LRP6: variants seen among roughly 807,000 people sequenced by gnomAD.
LRP6 encodes the protein low-density lipoprotein receptor-related protein 6.
A neutral mutation model predicts 184.1 loss-of-function variants in LRP6; 43 were observed. That is an observed-to-expected ratio of 0.23 (90% CI 0.18 to 0.30). LRP6 has a LOEUF of 0.30. Ranked by LOEUF, LRP6 falls within the 10% of genes least tolerant of loss-of-function variation. The pLI, the probability that LRP6 is intolerant of heterozygous loss-of-function variation, is 1.00. For synonymous variants in LRP6, 719 were observed against 684.9 expected (o/e 1.05, Z -0.78); for missense variants, 1,571 against 2,005.3 (o/e 0.78, Z 4.14).
Position 12,126,865 on chromosome 12 carries a change from C to A in LRP6, c.4138G>T (p.Val1380Leu), listed in dbSNP as rs200961996. The A allele has an allele frequency of 6.2e-7, 1 of 1,614,128 alleles. No homozygotes were observed. Among genetic ancestry groups the A allele is most frequent in the Non-Finnish European group, 8.5e-7 (1 of 1,179,986 alleles). Reference sequence around the variant, plus strand: ...CCAGACACAAAAATGGTGACAATTACGCCAATAACAGAACCAACTGTATTG... The same window carrying A: ...CCAGACACAAAAATGGTGACAATTAAGCCAATAACAGAACCAACTGTATTG... ...ATNTVGSVIG[V>L]IVTIFVSGTV... Residue 1380 changes from valine (V) to leucine (L), a missense_variant, in exon 20 of 23, where the codon GTA (valine) becomes TTA (leucine). Physicochemically the swap from Val to Leu is conservative, Grantham distance 32 (BLOSUM62 1). Transcript: ENST00000261349.
At chr12:12,191,493 A>G (rs1863614486) in intron 3 of LRP6, among the ~76,000 whole-genome samples, 2 of 152,246 alleles carry the variant, frequency 1.3e-5, no homozygotes, top group Admixed American at 1.3e-4. Context: ...CAAGCAAAAC[A>G]GTTTCACCTG....
At chr12:12,167,088 T>C (rs1415957336) in intron 7 of LRP6, among the ~76,000 whole-genome samples, 1 of 152,030 alleles carries the variant, frequency 6.6e-6, no homozygotes, top group African/African-American at 2.4e-5. Flanking sequence ...AACTCCAGCC[T>C]AGGAAAAAAA....
At chr12:12,122,666 C>CA (rs1245878356) in intron 22 of LRP6, among the ~76,000 whole-genome samples, 1 of 151,660 alleles carries the variant, frequency 6.6e-6, no homozygotes, top group Non-Finnish European at 1.5e-5. Context: ...CCCGTCTCTA[C>CA]AAAAAATAAA....
intron 7 of LRP6, among the ~76,000 whole-genome samples, chr12:12,175,111 G>A (rs570250184): frequency 3.9e-5 from 6 of 152,166 alleles, no homozygotes; most frequent in East Asian, 1.9e-4. Flanking sequence ...AAAACAGGTC[G>A]GGCATGGTGG....
At chr12:12,218,479 TAATAATAATAATAATAATAATAA>T (rs1484820571) in intron 2 of LRP6, among the ~76,000 whole-genome samples, 1 of 13,782 alleles carries the variant, frequency 7.3e-5, no homozygotes, top group African/African-American at 1.2e-4. Flanking sequence ...CCTCTCTCAA[TAATAATAATAATAATAATAATAA>T]TAATAATAAT....
intron 7 of LRP6, among the ~76,000 whole-genome samples, chr12:12,175,282 G>A (rs1048355881): frequency 1.3e-5 from 2 of 151,910 alleles, no homozygotes; most frequent in Admixed American, 6.6e-5. Flanking sequence ...CCAGCTACTC[G>A]GGAGGCTGGG....
At chr12:12,136,882 T>G (rs919683804) in intron 16 of LRP6, among the ~76,000 whole-genome samples, 1 of 152,176 alleles carries the variant, frequency 6.6e-6, no homozygotes, top group Non-Finnish European at 1.5e-5. Flanking sequence ...ATTTAAATAG[T>G]TATTAAATAA....
At chr12:12,213,829 T>C (rs1486111555) in intron 2 of LRP6, among the ~76,000 whole-genome samples, 1 of 152,204 alleles carries the variant, frequency 6.6e-6, no homozygotes, top group African/African-American at 2.4e-5. Flanking sequence ...TTTACACCAA[T>C]AATGTCTCAT....
chr12:12,132,105 C>A lies in LRP6; in HGVS notation c.3734-48G>T. 3 of 1,203,838 alleles carry A rather than the reference C, an allele frequency of 2.5e-6. No homozygotes were observed. In the South Asian group the frequency reaches 3.6e-5, roughly 15 times the overall value. The allele number at this position is 1,203,838 out of a possible 1,614,324, so 74.6% of individuals were successfully genotyped here. Reference sequence around the variant, plus strand: ...GGAGTGACAAAAACACAATCATGGTCACACAGAAGTACAAACACATACCTG... The same window carrying A: ...GGAGTGACAAAAACACAATCATGGTAACACAGAAGTACAAACACATACCTG... On this transcript the variant is annotated intron_variant, in intron 17 of 22. Coordinates refer to ENST00000261349, the MANE Select transcript of LRP6 (RefSeq NM_002336.3).
Position 12,121,386 on chromosome 12 carries a change from G to C in LRP6, c.4582C>G (p.Pro1528Ala), listed in dbSNP as rs886727438. 3 of 1,613,984 alleles carry C rather than the reference G, an allele frequency of 1.9e-6. No individual in the cohort carries two copies. The African/African-American group carries it at 4.0e-5, about 22-fold the overall frequency. ...RPYSYRHFAP[P>A]TTPCSTDVCD... ...ACATCTGTGCTGCAGGGTGTGGTGG[G>C]GGGTGCAAAGTGCCGGTAGCTATAT... Residue 1528 changes from proline to alanine, a missense_variant, in exon 23 of 23, where the codon CCC becomes GCC. Coordinates refer to ENST00000261349, the MANE Select transcript of LRP6 (RefSeq NM_002336.3).
intron 2 of LRP6, among the ~76,000 whole-genome samples, chr12:12,213,938 G>A (rs1208247296): frequency 6.6e-6 from 1 of 152,018 alleles, no homozygotes; most frequent in Non-Finnish European, 1.5e-5. Context: ...GTTGATGTAA[G>A]GATTAAAGTA....
Position 12,140,414 on chromosome 12 carries a change from CAAG to C in LRP6, c.3398-1883_3398-1881del, listed in dbSNP as rs1044352493. ...TAGGTGAGAAAAATACAGCTACAGT[CAAG>C]AAGGTTCAGCATAAAAATAAAAAGC... is the stretch of plus-strand genomic sequence containing the variant. On this transcript the variant is annotated intron_variant, in intron 15 of 22. Transcript: ENST00000261349. Among the ~76,000 whole-genome samples, 109 of 151,930 alleles carry C rather than the reference CAAG, an allele frequency of 7.2e-4. 1 individual carries two copies. Among genetic ancestry groups the C allele is most frequent in the African/African-American group, 2.4e-3 (101 of 41,440 alleles).
chr12:12,126,218 GC>G (rs993333332), intron 20 of LRP6, among the ~76,000 whole-genome samples: 4 of 152,174 alleles, frequency 2.6e-5, no homozygotes, highest in African/African-American at 9.7e-5. Context: ...TCCCTTATTA[GC>G]ACATGAAGTC....
chr12:12,230,145 G>C (rs945730865), intron 2 of LRP6, among the ~76,000 whole-genome samples: 1 of 151,964 alleles, frequency 6.6e-6, no homozygotes, highest in Non-Finnish European at 1.5e-5. Context: ...TAACTGGGAG[G>C]GAAGTAAAGC....
intron 12 of LRP6, among the ~76,000 whole-genome samples, chr12:12,158,297 ATAT>A (rs1565576507): frequency 1.3e-5 from 2 of 152,254 alleles, no homozygotes; most frequent in Non-Finnish European, 1.5e-5. Flanking sequence ...TTTACACTTA[ATAT>A]TTAATGTCCA....
intron 2 of LRP6, among the ~76,000 whole-genome samples, chr12:12,208,455 T>C (rs1864122594): frequency 6.6e-6 from 1 of 152,212 alleles, no homozygotes; most frequent in Non-Finnish European, 1.5e-5. Flanking sequence ...TTCAAGAAGT[T>C]AATTCAAAGG....
At position 12,244,532 on chromosome 12, in the gene LRP6, A is replaced by C; in HGVS notation, c.179T>G (p.Phe60Cys). 1 of 1,614,190 alleles carries C rather than the reference A, an allele frequency of 6.2e-7. No homozygotes were observed. Among genetic ancestry groups the C allele is most frequent in the Non-Finnish European group, 8.5e-7 (1 of 1,180,050 alleles). The change falls in exon 2 of 23, where the codon TTT becomes TGT. Residue 60 changes from phenylalanine to cysteine, a missense_variant. Around this residue, in one of 4 missense-constraint regions of LRP6, gnomAD observed 640 missense variants for 851.9 expected, o/e 0.75. Coordinates refer to ENST00000261349, the MANE Select transcript of LRP6 (RefSeq NM_002336.3). ...LEDAAAVDFV[F>C]SHGLIYWSDV... Reference sequence around the variant, plus strand: ...ACTCCAGTATATCAAGCCATGACTAAACACAAAGTCCACCGCAGCTGCATC... The same window carrying C: ...ACTCCAGTATATCAAGCCATGACTACACACAAAGTCCACCGCAGCTGCATC...
chr12:12,159,197 T>A, intron 11 of LRP6, 42 bp from the exon 12 acceptor site: 1 of 1,455,294 alleles, frequency 6.9e-7, no homozygotes, highest in South Asian at 1.1e-5. Context: ...AGCAGAGTGA[T>A]GAAATATGTG....
chr12:12,129,072 T>C (rs1949712080), intron 19 of LRP6, among the ~76,000 whole-genome samples: 1 of 152,242 alleles, frequency 6.6e-6, no homozygotes, highest in Admixed American at 6.5e-5. Context: ...ACAGAAAATG[T>C]CAGAAAGTGT....
Sources: gnomAD v4.1 joint callset for allele counts (sites outside exome capture counted in the v4.1 genomes callset) on GRCh38, gnomAD v4.1.1 for gene constraint, gnomAD v4.1.1 regional missense constraint, MANE v1.5 for transcripts, NCBI Gene and HGNC (gene_info 2026-07-23, HGNC 2026-07-21) for gene names.